GPR176: variants seen among roughly 807,000 people sequenced by gnomAD.
GPR176 encodes G protein-coupled receptor 176.
GPR176 carries 26 observed loss-of-function variants against 35.4 expected under a neutral mutation model. That is an observed-to-expected ratio of 0.74 (90% CI 0.54 to 1.02). The LOEUF (loss-of-function observed/expected upper bound fraction) is 1.02. GPR176 is among the 50% of genes least tolerant of loss of function. The pLI, the probability that GPR176 is intolerant of heterozygous loss-of-function variation, is 0.00. For missense variants in GPR176, 597 were observed against 665.3 expected, an observed-to-expected ratio of 0.90 and a Z score of 1.13; for synonymous variants, 278 against 271.3, an observed-to-expected ratio of 1.02 and a Z score of -0.24.
intron 1 of GPR176, among the ~76,000 whole-genome samples, chr15:39,915,531 C>T (rs1429166639): frequency 1.3e-5 from 2 of 152,124 alleles, no homozygotes; most frequent in African/African-American, 4.8e-5. Context: ...AAGAACCATA[C>T]ATTTTGCGGT....
chr15:39,820,468 A>AG (rs1900198230), intron 1 of GPR176, among the ~76,000 whole-genome samples: 2 of 152,176 alleles, frequency 1.3e-5, no homozygotes, highest in South Asian at 4.1e-4. Flanking sequence ...AAGGAGGGAG[A>AG]GGGGCAAAGT....
intron 1 of GPR176, among the ~76,000 whole-genome samples, chr15:39,868,250 C>A (rs75455615): frequency 3.3e-5 from 5 of 152,254 alleles, no homozygotes; most frequent in East Asian, 1.9e-4. Flanking sequence ...CTCTTGGAGT[C>A]CTTGTCACTT....
At chr15:39,850,818 AATC>A (rs2030811654) in intron 1 of GPR176, among the ~76,000 whole-genome samples, 1 of 152,132 alleles carries the variant, frequency 6.6e-6, no homozygotes, top group Non-Finnish European at 1.5e-5. Flanking sequence ...AAAATAAAAA[AATC>A]ATCCTGTCAG....
At chr15:39,849,236 A>G (rs1341497179) in intron 1 of GPR176, among the ~76,000 whole-genome samples, 3 of 152,144 alleles carry the variant, frequency 2.0e-5, no homozygotes, top group Non-Finnish European at 4.4e-5. Context: ...ACCACAGCTC[A>G]CTCAATATGA....
intron 1 of GPR176, among the ~76,000 whole-genome samples, chr15:39,844,226 G>A (rs1429906978): frequency 6.6e-6 from 1 of 152,050 alleles, no homozygotes; most frequent in African/African-American, 2.4e-5. Context: ...ATTACATGGG[G>A]TGCTTGTAAA....
At position 39,800,280 on chromosome 15, in the gene GPR176, A is replaced by AG. The variant is rs899669974; in HGVS notation, c.*851_*852insC. 1 of 152,192 alleles carries AG rather than the reference A, an allele frequency of 6.6e-6. No homozygotes were observed. The highest frequency in any genetic ancestry group is 2.4e-5 in the African/African-American group (1 of 41,440). 9.4% of individuals were successfully genotyped at this position (152,192 alleles called of 1,614,324 possible). A position where few individuals can be genotyped will look rare whatever the true frequency, so the allele number is the denominator to read the frequency against. On this transcript the variant is annotated 3_prime_UTR_variant, in exon 3 of 3. Coordinates refer to ENST00000561100, the MANE Select transcript of GPR176 (RefSeq NM_007223.3). ...ATGTGAGATCATAGGGAAGAAAAAAAAACTACAGCGCCATAGGCATCTCTC... is the reference window on the plus strand; with the variant it reads ...ATGTGAGATCATAGGGAAGAAAAAAAGAACTACAGCGCCATAGGCATCTCTC...
intron 2 of GPR176, among the ~76,000 whole-genome samples, chr15:39,803,085 T>C (rs924147013): frequency 2.0e-5 from 3 of 152,114 alleles, no homozygotes; most frequent in African/African-American, 7.2e-5. Flanking sequence ...AATAACTCTT[T>C]GCACCCTAGA....
rs143676268 is a variant in GPR176, at chr15:39,868,434, G to C, written c.172+51421C>G. Among the ~76,000 whole-genome samples the C allele has an allele frequency of 3.4e-3, 511 of 152,304 alleles. 1 individual carries two copies. Among genetic ancestry groups the C allele is most frequent in the African/African-American group, 0.011 (467 of 41,554 alleles). On this transcript the variant is annotated intron_variant, in intron 1 of 2. Transcript: ENST00000561100. ...GCTTCTAAATGAAAGCAGGGCAGAA[G>C]GGGGATCTTCTGATTTTAGTAAGAC...
chr15:39,878,078 A>T (rs1181004017), intron 1 of GPR176, among the ~76,000 whole-genome samples: 1 of 139,950 alleles, frequency 7.1e-6, no homozygotes, highest in Non-Finnish European at 1.6e-5. Context: ...TAACATATCC[A>T]TCACCTCCCA....
chr15:39,895,269 A>G (rs181951446), intron 1 of GPR176, among the ~76,000 whole-genome samples: 4,953 of 89,092 alleles, frequency 0.056, 436 homozygotes, highest in African/African-American at 0.18. Context: ...GGAGAGGGAG[A>G]GGGAGACCGT....
At chr15:39,837,775 T>C (rs908681097) in intron 1 of GPR176, among the ~76,000 whole-genome samples, 1 of 152,028 alleles carries the variant, frequency 6.6e-6, no homozygotes, top group African/African-American at 2.4e-5. Context: ...GCTCATTAAC[T>C]CTTCAAGGAT....
intron 1 of GPR176, among the ~76,000 whole-genome samples, chr15:39,846,015 T>C (rs2030398658): frequency 6.6e-6 from 1 of 152,176 alleles, no homozygotes; most frequent in Admixed American, 6.5e-5. Context: ...GAGCCTTCAC[T>C]CTCAGTATAA....
At chr15:39,828,983 T>C (rs542098678) in intron 1 of GPR176, 64 of 684,602 alleles carry the variant, frequency 9.3e-5, no homozygotes, top group South Asian at 8.9e-4. Context: ...ATTGTCTAAG[T>C]ATGCGTATCA....
intron 1 of GPR176, among the ~76,000 whole-genome samples, chr15:39,907,083 CA>C (rs1212285487): frequency 6.6e-6 from 1 of 152,122 alleles, no homozygotes; most frequent in Non-Finnish European, 1.5e-5. Flanking sequence ...ATTTGAGCTG[CA>C]ATTTAAAGGA....
intron 1 of GPR176, among the ~76,000 whole-genome samples, chr15:39,862,973 C>A (rs886171613): frequency 2.0e-5 from 3 of 151,978 alleles, no homozygotes; most frequent in Non-Finnish European, 4.4e-5. Flanking sequence ...TCCTATGGGA[C>A]AAGATGTGGT....
At chr15:39,835,676 G>A (rs1901356535) in intron 1 of GPR176, among the ~76,000 whole-genome samples, 1 of 152,190 alleles carries the variant, frequency 6.6e-6, no homozygotes. Context: ...AAAGGGCAGT[G>A]AGTATCACCT....
At chr15:39,863,407 T>A (rs2031693842) in intron 1 of GPR176, among the ~76,000 whole-genome samples, 3 of 151,794 alleles carry the variant, frequency 2.0e-5, no homozygotes, top group Non-Finnish European at 4.4e-5. Flanking sequence ...AATAACGATA[T>A]AAAGAAAAAA....
chr15:39,877,817 CT>C (rs1361029283), intron 1 of GPR176, among the ~76,000 whole-genome samples: 3 of 152,048 alleles, frequency 2.0e-5, no homozygotes, highest in Non-Finnish European at 4.4e-5. Flanking sequence ...CCGCCTTGGC[CT>C]CCCACAACAC....
chr15:39,842,705 A>C (rs1284277422), intron 1 of GPR176, among the ~76,000 whole-genome samples: 2 of 152,126 alleles, frequency 1.3e-5, no homozygotes, highest in Non-Finnish European at 2.9e-5. Flanking sequence ...CTCTAAGATC[A>C]GACACTGATC....
Sources: allele counts gnomAD v4.1 joint callset (sites outside exome capture counted in the v4.1 genomes callset), GRCh38; gene constraint gnomAD v4.1.1; transcripts MANE v1.5; gene names NCBI Gene and HGNC (gene_info 2026-07-23, HGNC 2026-07-21).